RXFP1: variants seen among roughly 807,000 people sequenced by gnomAD.
RXFP1 encodes relaxin receptor 1.
RXFP1 carries 73 observed loss-of-function variants against 89.8 expected under a neutral mutation model. The observed-to-expected ratio is 0.81, with a 90% CI of 0.67 to 0.99. The LOEUF is 0.99. Ranked by LOEUF, RXFP1 falls within the 50% of genes least tolerant of loss-of-function variation. RXFP1 has a pLI of 0.00. For missense variants in RXFP1, 793 were observed against 895.5 expected, an observed-to-expected ratio of 0.89 and a Z score of 1.46; for synonymous variants, 277 against 305.5, an observed-to-expected ratio of 0.91 and a Z score of 0.97.
intron 14 of RXFP1, among the ~76,000 whole-genome samples, chr4:158,643,977 A>G (rs905587587): frequency 2.5e-4 from 38 of 149,166 alleles, no homozygotes; most frequent in African/African-American, 9.2e-4. Flanking sequence ...TTTAATTTGC[A>G]TTTCCTTGAT....
intron 1 of RXFP1, among the ~76,000 whole-genome samples, chr4:158,545,785 C>T (rs917700909): frequency 1.3e-5 from 2 of 152,106 alleles, no homozygotes; most frequent in Admixed American, 6.5e-5. Flanking sequence ...TTTCTGAGGG[C>T]TCTGTTCTGT....
chr4:158,640,802 A>G (rs1343049583), intron 14 of RXFP1, among the ~76,000 whole-genome samples: 5 of 152,228 alleles, frequency 3.3e-5, no homozygotes, highest in African/African-American at 9.6e-5. Flanking sequence ...AAATAAATCA[A>G]TGCTGCAAAT....
chr4:158,623,514 A>AAAAAAAAAAAAAAAAAAAC, intron 9 of RXFP1, among the ~76,000 whole-genome samples: 1 of 149,658 alleles, frequency 6.7e-6, no homozygotes, highest in Non-Finnish European at 1.5e-5. Flanking sequence ...AAAAAAAAAA[A>AAAAAAAAAAAAAAAAAAAC]AAAAAAAAAA....
At chr4:158,534,351 G>C (rs557901072) in intron 1 of RXFP1, among the ~76,000 whole-genome samples, 116 of 150,600 alleles carry the variant, frequency 7.7e-4, no homozygotes, top group Non-Finnish European at 1.4e-3. Context: ...GGGTTCAAAT[G>C]ATTCTGCTGC....
chr4:158,626,531 G>A (rs963168514), intron 9 of RXFP1, among the ~76,000 whole-genome samples: 1 of 151,964 alleles, frequency 6.6e-6, no homozygotes, highest in African/African-American at 2.4e-5. Flanking sequence ...CATAACAAAT[G>A]TTTTCAATTT....
intron 2 of RXFP1, among the ~76,000 whole-genome samples, chr4:158,589,313 A>G (rs1288079362): frequency 6.6e-6 from 1 of 152,164 alleles, no homozygotes; most frequent in Admixed American, 6.5e-5. Flanking sequence ...TCAGATACCC[A>G]TATCGATTAG....
Position 158,610,583 on chromosome 4 carries a change from C to T in RXFP1, c.537-1547C>T, listed in dbSNP as rs545043685. 2.7e-3 allele frequency: 2,405 copies of T among 881,728 alleles called. 10 individuals are homozygous for T. The highest frequency in any genetic ancestry group is 3.5e-3 in the Non-Finnish European group (2,194 of 618,608). 54.6% of individuals were successfully genotyped at this position (881,728 alleles called of 1,614,324 possible). On this transcript the variant is annotated intron_variant, in intron 6 of 17. Transcript: ENST00000307765. Reference sequence around the variant, plus strand: ...GTACTTAAGTTCCAAACCTGTGTTGCTGAAACCAAAATTGCTATTATGGTT... The same window carrying T: ...GTACTTAAGTTCCAAACCTGTGTTGTTGAAACCAAAATTGCTATTATGGTT...
intron 2 of RXFP1, among the ~76,000 whole-genome samples, chr4:158,585,827 G>A (rs190371323): frequency 5.3e-5 from 8 of 152,254 alleles, no homozygotes; most frequent in East Asian, 1.9e-4. Flanking sequence ...TAATAAGACC[G>A]TTATAAGCAA....
intron 1 of RXFP1, among the ~76,000 whole-genome samples, chr4:158,556,025 G>C (rs961119973): frequency 6.6e-6 from 1 of 152,052 alleles, no homozygotes; most frequent in African/African-American, 2.4e-5. Context: ...GCTTGGCAAA[G>C]ATTTTTTAAA....
chr4:158,629,686 G>A (rs931009369), intron 11 of RXFP1, among the ~76,000 whole-genome samples: 1 of 151,946 alleles, frequency 6.6e-6, no homozygotes, highest in African/African-American at 2.4e-5. Flanking sequence ...AAGTGCAATG[G>A]TACAATCATA....
intron 4 of RXFP1, 46 bp from the exon 5 acceptor site, chr4:158,605,022 G>C (rs372202887): frequency 1.1e-5 from 12 of 1,106,204 alleles, no homozygotes; most frequent in Non-Finnish European, 1.3e-5. Flanking sequence ...TAATTTAAAA[G>C]TAAAGGAAAA....
At chr4:158,534,693 C>T (rs925924795) in intron 1 of RXFP1, among the ~76,000 whole-genome samples, 9 of 151,920 alleles carry the variant, frequency 5.9e-5, no homozygotes, top group Admixed American at 2.6e-4. Context: ...AATGTTTTCT[C>T]ACCTTTCCAG....
At position 158,652,772 on chromosome 4, in the gene RXFP1, C is replaced by T. The variant is rs1485257539; in HGVS notation, c.*717C>T. On this transcript the variant is annotated 3_prime_UTR_variant, in exon 18 of 18. Transcript: ENST00000307765. ...GAATTGGAATAGGAGAGTATGAGTACGGCAGAGAAGTGGATCAGAAAAACT... is the reference window on the plus strand; with the variant it reads ...GAATTGGAATAGGAGAGTATGAGTATGGCAGAGAAGTGGATCAGAAAAACT... 2 of 152,092 alleles carry T rather than the reference C, an allele frequency of 1.3e-5. No homozygotes were observed. 9.4% of individuals were successfully genotyped at this position (152,092 alleles called of 1,614,324 possible).
chr4:158,525,218 G>GT (rs1742187940), intron 1 of RXFP1, among the ~76,000 whole-genome samples: 2 of 81,784 alleles, frequency 2.4e-5, no homozygotes, highest in Non-Finnish European at 7.4e-5. Context: ...TTATACTTTG[G>GT]CGGGGGGGGG....
chr4:158,587,720 C>T (rs568571000), intron 2 of RXFP1, among the ~76,000 whole-genome samples: 37 of 152,238 alleles, frequency 2.4e-4, no homozygotes, highest in African/African-American at 7.5e-4. Flanking sequence ...GGTCACCTAA[C>T]CTTCTTCAGT....
intron 2 of RXFP1, among the ~76,000 whole-genome samples, chr4:158,581,342 T>C (rs1156454252): frequency 6.6e-6 from 1 of 152,148 alleles, no homozygotes; most frequent in Non-Finnish European, 1.5e-5. Flanking sequence ...TCTGACATCA[T>C]GGTTTGCTCA....
chr4:158,534,524 G>A (rs531072000), intron 1 of RXFP1, among the ~76,000 whole-genome samples: 44 of 152,274 alleles, frequency 2.9e-4, no homozygotes, highest in South Asian at 2.5e-3. Context: ...TGGGATTACA[G>A]GCATGAGCCA....
At chr4:158,568,472 A>T (rs543347700) in intron 1 of RXFP1, among the ~76,000 whole-genome samples, 1 of 152,320 alleles carries the variant, frequency 6.6e-6, no homozygotes, top group South Asian at 2.1e-4. Flanking sequence ...TCATTAAAGA[A>T]TTTTTCTTAA....
At chr4:158,577,012 T>TTTCTTCTTCTTC (rs3085268) in intron 2 of RXFP1, among the ~76,000 whole-genome samples, 1 of 150,240 alleles carries the variant, frequency 6.7e-6, no homozygotes, top group Admixed American at 6.7e-5. Flanking sequence ...AGGCTGTTCT[T>TTTCTTCTTCTTC]TTCTTCTTCT....
Sources: gnomAD v4.1 joint callset for allele counts (sites outside exome capture counted in the v4.1 genomes callset) on GRCh38, gnomAD v4.1.1 for gene constraint, MANE v1.5 for transcripts, NCBI Gene and HGNC (gene_info 2026-07-23, HGNC 2026-07-21) for gene names.